NRIP1: variants seen among roughly 807,000 people sequenced by gnomAD.
The protein encoded by NRIP1 is nuclear receptor interacting protein 1, also known as nuclear receptor-interacting protein 1.
A neutral mutation model predicts 75.0 loss-of-function variants in NRIP1; 28 were observed. The ratio of observed to expected loss-of-function variants is 0.37; its 90% confidence interval spans 0.28 to 0.51. NRIP1 has a LOEUF of 0.51. Among genes scored for constraint, NRIP1 ranks in the 20% least tolerant of loss-of-function variants. NRIP1 has a pLI of 0.92. For missense variants in NRIP1, 1,435 were observed against 1,343.7 expected, an observed-to-expected ratio of 1.07 and a Z score of -1.06; for synonymous variants, 526 against 487.6, an observed-to-expected ratio of 1.08 and a Z score of -1.04.
intron 3 of NRIP1, among the ~76,000 whole-genome samples, chr21:14,971,170 C>T (rs1399498366): frequency 6.6e-6 from 1 of 152,114 alleles, no homozygotes; most frequent in Non-Finnish European, 1.5e-5. Flanking sequence ...TATTAAGCTC[C>T]TTGGGTCTGA....
At chr21:14,988,126 C>G (rs1405157235) in intron 3 of NRIP1, 1 of 152,158 alleles carries the variant, frequency 6.6e-6, no homozygotes, top group Non-Finnish European at 1.5e-5. Flanking sequence ...GGATTCCTGA[C>G]TCTGCTATTC....
chr21:14,994,574 A>T (rs1015173391), intron 3 of NRIP1, among the ~76,000 whole-genome samples: 15 of 152,342 alleles, frequency 9.8e-5, no homozygotes, highest in African/African-American at 3.1e-4. Context: ...ACAATTTTTT[A>T]AAAATAGAAA....
intron 3 of NRIP1, among the ~76,000 whole-genome samples, chr21:14,977,709 C>G (rs1357907997): frequency 6.6e-6 from 1 of 151,956 alleles, no homozygotes; most frequent in Non-Finnish European, 1.5e-5. Flanking sequence ...TTTCTAATTA[C>G]TTGAAAAAAA....
intron 2 of NRIP1, among the ~76,000 whole-genome samples, chr21:15,037,850 A>G (rs1385053365): frequency 2.0e-5 from 3 of 152,152 alleles, no homozygotes; most frequent in African/African-American, 4.8e-5. Flanking sequence ...TTTTCTGCAG[A>G]AAGTTTTACT....
At chr21:14,989,785 T>G (rs2087517837) in intron 3 of NRIP1, among the ~76,000 whole-genome samples, 1 of 152,144 alleles carries the variant, frequency 6.6e-6, no homozygotes, top group Admixed American at 6.5e-5. Context: ...ATAGTCTATG[T>G]GTGTGTGGAG....
chr21:15,049,537 G>A (rs185061481), intron 1 of NRIP1, among the ~76,000 whole-genome samples: 6 of 152,174 alleles, frequency 3.9e-5, no homozygotes, highest in Admixed American at 3.3e-4. Context: ...CTGGAGAAAA[G>A]AGAAGGAACT....
At chr21:15,037,908 C>G (rs1344590597) in intron 2 of NRIP1, among the ~76,000 whole-genome samples, 1 of 151,986 alleles carries the variant, frequency 6.6e-6, no homozygotes, top group East Asian at 1.9e-4. Flanking sequence ...GGCAAAAGAC[C>G]AAATAGAAAG....
chr21:15,025,972 C>T (rs190951703), intron 2 of NRIP1, among the ~76,000 whole-genome samples: 1 of 152,182 alleles, frequency 6.6e-6, no homozygotes, highest in African/African-American at 2.4e-5. Context: ...ATCGGGACAA[C>T]CTGGAAACTT....
At chr21:14,977,933 T>G (rs538785396) in intron 3 of NRIP1, among the ~76,000 whole-genome samples, 1 of 152,210 alleles carries the variant, frequency 6.6e-6, no homozygotes, top group Non-Finnish European at 1.5e-5. Flanking sequence ...GTTCTCATTT[T>G]AGGTGCAGAT....
At chr21:15,007,897 C>G (rs2088010219) in intron 3 of NRIP1, among the ~76,000 whole-genome samples, 2 of 152,166 alleles carry the variant, frequency 1.3e-5, no homozygotes, top group South Asian at 4.1e-4. Context: ...TCCTCAAATT[C>G]CAGCTTGCAT....
intron 2 of NRIP1, among the ~76,000 whole-genome samples, chr21:15,019,466 ATTTCTTTTTTTTTTTTTTTTT>A (rs2088316110): frequency 1.2e-5 from 1 of 80,840 alleles, no homozygotes; most frequent in Non-Finnish European, 2.5e-5. Flanking sequence ...AAACAACTGC[ATTTCTTTTTTTTTTTTTTTTT>A]TTTTTTTTTT....
At chr21:14,981,297 C>T (rs963489607) in intron 3 of NRIP1, among the ~76,000 whole-genome samples, 2 of 152,214 alleles carry the variant, frequency 1.3e-5, no homozygotes, top group African/African-American at 2.4e-5. Flanking sequence ...AACTGCGGTG[C>T]GTGCTTTACC....
At position 14,964,254 on chromosome 21, in the gene NRIP1, G is replaced by C. The variant is rs2086661744; in HGVS notation, c.*462C>G. ...ATTTTTGAATTGGATAATAAGCTGT[G>C]AATCAGCACTAGGTTTTTTTTTATT... On this transcript the variant is annotated 3_prime_UTR_variant, in exon 4 of 4. Coordinates refer to ENST00000318948, the MANE Select transcript of NRIP1 (RefSeq NM_003489.4). 6.6e-6 allele frequency: 1 copy of C among 151,350 alleles called. No individual in the cohort carries two copies. The highest frequency in any genetic ancestry group is 6.7e-5 in the Admixed American group (1 of 14,918). 9.4% of individuals were successfully genotyped at this position (151,350 alleles called of 1,614,324 possible). A position where few individuals can be genotyped will look rare whatever the true frequency, so the allele number is the denominator to read the frequency against.
At chr21:15,038,199 T>C (rs2088876333) in intron 2 of NRIP1, among the ~76,000 whole-genome samples, 1 of 152,116 alleles carries the variant, frequency 6.6e-6, no homozygotes, top group African/African-American at 2.4e-5. Flanking sequence ...CATTATAATG[T>C]CCCCTTTGAA....
chr21:14,990,644 A>G (rs868270325), intron 3 of NRIP1, among the ~76,000 whole-genome samples: 48 of 152,350 alleles, frequency 3.2e-4, no homozygotes, highest in African/African-American at 1.1e-3. Context: ...TGTTCAAGCT[A>G]TATGTGTGAA....
chr21:15,051,123 TAGACC>T (rs781203440), intron 1 of NRIP1: 6 of 352,616 alleles, frequency 1.7e-5, no homozygotes, highest in Non-Finnish European at 3.3e-5. Flanking sequence ...CTTTGGCCCC[TAGACC>T]AACACTGGGG....
At chr21:15,063,373 A>C (rs956759976) in intron 1 of NRIP1, among the ~76,000 whole-genome samples, 1 of 152,242 alleles carries the variant, frequency 6.6e-6, no homozygotes, top group Middle Eastern at 3.2e-3. Context: ...GGGGCCAGGC[A>C]GATGAAACAC....
chr21:15,045,596 G>A (rs1160191606), intron 1 of NRIP1, among the ~76,000 whole-genome samples: 1 of 152,166 alleles, frequency 6.6e-6, no homozygotes, highest in Non-Finnish European at 1.5e-5. Context: ...CTGAAGGTTG[G>A]GGTCTCTGTA....
rs973558175 is a variant in NRIP1 at position 14,962,015 on chromosome 21, T to A, written c.*2701A>T. On this transcript the variant is annotated 3_prime_UTR_variant, in exon 4 of 4. Coordinates refer to ENST00000318948, the MANE Select transcript of NRIP1 (RefSeq NM_003489.4). ...AAGTCAATATATATATATATACATA[T>A]TATATATATATATATATATATATAT... The A allele has an allele frequency of 5.7e-5, 8 of 140,512 alleles. No homozygotes were observed. The highest frequency in any genetic ancestry group is 9.3e-5 in the Non-Finnish European group (6 of 64,738). The allele number at this position is 140,512 out of a possible 1,614,324, so 8.7% of individuals were successfully genotyped here.
Sources: gnomAD v4.1 joint callset for allele counts (sites outside exome capture counted in the v4.1 genomes callset) on GRCh38, gnomAD v4.1.1 for gene constraint, MANE v1.5 for transcripts, NCBI Gene and HGNC (gene_info 2026-07-23, HGNC 2026-07-21) for gene names.